The following OTUB1 variants were observed in gnomAD, a reference collection of about 807,000 sequenced individuals.
OTUB1 encodes OTU deubiquitinase, ubiquitin aldehyde binding 1, also known as ubiquitin thioesterase OTUB1.
Under a neutral mutation model 35.8 loss-of-function variants are expected in OTUB1, and 10 were observed. That is an observed-to-expected ratio of 0.28 (90% CI 0.17 to 0.47). OTUB1 has a LOEUF of 0.47. OTUB1 is among the 20% of genes least tolerant of loss of function. The pLI is 0.99. For synonymous variants in OTUB1, 158 were observed against 143.8 expected (o/e 1.10, Z -0.71); for missense variants, 264 against 351.6 (o/e 0.75, Z 1.99).
intron 2 of OTUB1, 74 bp downstream of exon 2, chr11:63,988,472 G>A: frequency 2.8e-6 from 4 of 1,434,968 alleles, no homozygotes; most frequent in Non-Finnish European, 3.9e-6. Context: ...TGGGCATGAG[G>A]CCTATTGTCT....
At position 63,997,789 on chromosome 11, in the gene OTUB1, C is replaced by T. The variant is rs763558263; in HGVS notation, c.*243C>T. 1.6e-4 allele frequency: 115 copies of T among 700,382 alleles called. No homozygotes were observed. The highest frequency in any genetic ancestry group is 2.6e-4 in the Non-Finnish European group (101 of 384,862). 43.4% of individuals were successfully genotyped at this position (700,382 alleles called of 1,614,324 possible). ...CCCAGGTGGGTCCCCCTGCTTTTCA[C>T]CTATCTACTCCTGAGCTTCCCCAAC... On this transcript the variant is annotated 3_prime_UTR_variant, in exon 7 of 7. Coordinates refer to ENST00000538426, the MANE Select transcript of OTUB1 (RefSeq NM_017670.3).
intron 3 of OTUB1, among the ~76,000 whole-genome samples, chr11:63,991,406 G>C (rs1264182046): frequency 6.6e-6 from 1 of 152,182 alleles, no homozygotes; most frequent in African/African-American, 2.4e-5. Flanking sequence ...AAGTGGACAG[G>C]ACAGGCTGGG....
intron 3 of OTUB1, among the ~76,000 whole-genome samples, chr11:63,991,375 T>G (rs1200701448): frequency 6.6e-6 from 1 of 152,202 alleles, no homozygotes; most frequent in Non-Finnish European, 1.5e-5. Context: ...GGCCTGCCGC[T>G]CATGCTAGAC....
At position 63,997,504 on chromosome 11, in the gene OTUB1, C is replaced by T. The variant is rs1942733711; in HGVS notation, c.774C>T (p.Tyr258=). 3 of 1,614,014 alleles carry T rather than the reference C, an allele frequency of 1.9e-6. No individual in the cohort carries two copies. The South Asian group carries it at 3.3e-5, about 18-fold the overall frequency. ...CTGAGGGCTCCGAGCCCAAGGTCTA[C>T]CTTCTCTACCGGCCTGGACACTACG... ...IFPEGSEPKV[Y]LLYRPGHYDI... The change falls in exon 7 of 7, where the codon TAC becomes TAT. Residue 258 remains tyrosine (Y), a synonymous_variant. Transcript: ENST00000538426.
intron 3 of OTUB1, 135 bp from the exon 4 acceptor site, chr11:63,996,395 G>GC: frequency 1.1e-6 from 1 of 884,394 alleles, no homozygotes; most frequent in Non-Finnish European, 1.8e-6. Context: ...GCCTGTTTCA[G>GC]GGACCCAGGG....
rs1590783565 is a variant in OTUB1, at chr11:63,998,072, C to G, written c.*526C>G. The stretch of plus-strand genomic sequence containing the variant: ...GGTTGGGAGTCCTGGGTGGAGGGGC[C>G]TTTGTGAGGCTGGACCCGGCTCAGG... On this transcript the variant is annotated 3_prime_UTR_variant, in exon 7 of 7. Transcript: ENST00000538426. 2.4e-6 allele frequency: 1 copy of G among 416,796 alleles called. No individual in the cohort carries two copies. Among genetic ancestry groups the G allele is most frequent in the East Asian group, 4.9e-5 (1 of 20,532 alleles). 25.8% of individuals were successfully genotyped at this position (416,796 alleles called of 1,614,324 possible).
chr11:63,996,018 G>A (rs1446265442), intron 3 of OTUB1, among the ~76,000 whole-genome samples: 2 of 152,104 alleles, frequency 1.3e-5, no homozygotes, highest in Non-Finnish European at 2.9e-5. Context: ...AAAAAAACAA[G>A]TAGAGGAGGG....
At chr11:63,996,054 T>A (rs1410523987) in intron 3 of OTUB1, among the ~76,000 whole-genome samples, 1 of 152,078 alleles carries the variant, frequency 6.6e-6, no homozygotes, top group Non-Finnish European at 1.5e-5. Flanking sequence ...CCAGGAGGGC[T>A]GCGGGCAAGG....
chr11:63,986,749 T>C, intron 1 of OTUB1: 1 of 508,230 alleles, frequency 2.0e-6, no homozygotes, highest in South Asian at 2.9e-5. Context: ...CCCTTCTCCA[T>C]CGTGTGCGCC....
chr11:63,995,529 G>A (rs1942709014), intron 3 of OTUB1, among the ~76,000 whole-genome samples: 1 of 151,466 alleles, frequency 6.6e-6, no homozygotes, highest in Non-Finnish European at 1.5e-5. Context: ...GGGTCTCACT[G>A]TGTTGCCCAG....
chr11:63,986,813 C>T (rs964795134), intron 1 of OTUB1: 3 of 382,026 alleles, frequency 7.9e-6, no homozygotes, highest in Non-Finnish European at 1.4e-5. Flanking sequence ...GCTCCTGGCT[C>T]CAGGGGCCCC....
chr11:63,994,477 T>A (rs1169995046), intron 3 of OTUB1, among the ~76,000 whole-genome samples: 2 of 152,234 alleles, frequency 1.3e-5, no homozygotes, highest in East Asian at 3.9e-4. Context: ...GGTCTTGATC[T>A]CTTGACCTCG....
intron 4 of OTUB1, 59 bp downstream of exon 4, chr11:63,996,707 A>C: frequency 6.2e-7 from 1 of 1,613,494 alleles, no homozygotes; most frequent in South Asian, 1.1e-5. Context: ...TCCCCGGGCG[A>C]GTAGGATGTG....
In OTUB1 at chr11:63,996,522, C is replaced by G; in HGVS notation, c.220-8C>G. The G allele has an allele frequency of 1.2e-6, 2 of 1,613,876 alleles. No individual in the cohort carries two copies. The highest frequency in any genetic ancestry group is 1.1e-5 in the South Asian group (1 of 91,062). ...TGTTAACCTGTCGGGGTGGGGCTGT[C>G]TCCGCAGGACCTCCACAAAAAGTAC... On this transcript the variant is annotated splice_region_variant and splice_polypyrimidine_tract_variant and intron_variant, in intron 3 of 6. Transcript: ENST00000538426.
intron 3 of OTUB1, among the ~76,000 whole-genome samples, chr11:63,996,114 G>T (rs1236794527): frequency 6.6e-6 from 1 of 152,292 alleles, no homozygotes; most frequent in East Asian, 1.9e-4. Flanking sequence ...GGGCTGAGCT[G>T]GGCTGTGCAG....
In OTUB1 at chr11:63,997,731, C is replaced by T. The variant is rs1342546594; in HGVS notation, c.*185C>T. On this transcript the variant is annotated 3_prime_UTR_variant, in exon 7 of 7. Transcript: ENST00000538426. ...GTGTGTGCGTGTCCCTGCTCTGCTG[C>T]CCGCCTGGCTGCTCTGTCTGCTGCC... 2 of 707,114 alleles carry T rather than the reference C, an allele frequency of 2.8e-6. No homozygotes were observed. The highest frequency in any genetic ancestry group is 2.0e-5 in the Admixed American group (1 of 50,030). 43.8% of individuals were successfully genotyped at this position (707,114 alleles called of 1,614,324 possible).
At position 63,997,489 on chromosome 11, in the gene OTUB1, C is replaced by T. The variant is rs141229664; in HGVS notation, c.759C>T (p.Ser253=). 170 of 1,614,086 alleles carry T rather than the reference C, an allele frequency of 1.1e-4. No individual in the cohort carries two copies. The highest frequency in any genetic ancestry group is 8.0e-4 in the African/African-American group (60 of 75,034). Residue 253 remains serine, a synonymous_variant, in exon 7 of 7, where the codon TCC becomes TCT. Coordinates refer to ENST00000538426, the MANE Select transcript of OTUB1 (RefSeq NM_017670.3). ...TTNPHIFPEG[S]EPKVYLLYRP... ...ATCCGCACATCTTCCCTGAGGGCTC[C>T]GAGCCCAAGGTCTACCTTCTCTACC...
chr11:63,991,801 C>T (rs1942675150), intron 3 of OTUB1, among the ~76,000 whole-genome samples: 1 of 152,144 alleles, frequency 6.6e-6, no homozygotes, highest in Non-Finnish European at 1.5e-5. Context: ...GAAGATAGAG[C>T]CATGCAGACA....
chr11:63,997,645 C>T lies in OTUB1; in HGVS notation c.*99C>T, dbSNP rs555298563. The T allele has an allele frequency of 1.5e-4, 148 of 1,017,020 alleles. 1 individual carries two copies. In the African/African-American group the frequency reaches 1.8e-3, roughly 12 times the overall value. 63.0% of individuals were successfully genotyped at this position (1,017,020 alleles called of 1,614,324 possible). The stretch of plus-strand genomic sequence containing the variant: ...GGTTGTAAATGGTCCTATTTCACCC[C>T]CTTCTTCCTGTCACATGACCCCCCC... On this transcript the variant is annotated 3_prime_UTR_variant, in exon 7 of 7. Transcript: ENST00000538426.
Sources: allele counts gnomAD v4.1 joint callset (sites outside exome capture counted in the v4.1 genomes callset), GRCh38; gene constraint gnomAD v4.1.1; transcripts MANE v1.5; gene names NCBI Gene and HGNC (gene_info 2026-07-23, HGNC 2026-07-21).